CHLSN: variants seen among roughly 807,000 people sequenced by gnomAD.
The protein encoded by CHLSN is protein cholesin.
At chr7:1,125,712 G>A in the CHLSN span, among the ~76,000 whole-genome samples, 2 of 152,244 alleles carry the variant, frequency 1.3e-5, no homozygotes, top group African/African-American at 2.4e-5. Flanking sequence ...GTGGAAACCC[G>A]CTTTCTCTCG....
chr7:1,138,070 C>T, the CHLSN span: 6 of 150,252 alleles, frequency 4.0e-5, no homozygotes, highest in African/African-American at 1.5e-4. Flanking sequence ...GGTCGCGCCG[C>T]GCCGGGCCTC....
At chr7:1,093,361 G>A in the CHLSN span, 2 of 429,520 alleles carry the variant, frequency 4.7e-6, no homozygotes, top group Non-Finnish European at 9.8e-6. Flanking sequence ...CCCACGGTCT[G>A]AGCTAGCTAG....
chr7:1,048,242 CG>C, the CHLSN span, among the ~76,000 whole-genome samples: 3 of 152,184 alleles, frequency 2.0e-5, no homozygotes, highest in Admixed American at 2.0e-4. Flanking sequence ...GATCACCGGG[CG>C]TGGGACTTGC....
At chr7:984,465 G>C in the CHLSN span, 62 of 1,551,060 alleles carry the variant, frequency 4.0e-5, no homozygotes, top group Non-Finnish European at 5.1e-5. Flanking sequence ...GCCAGAAGAC[G>C]GTGGTGCTGA....
chr7:1,084,326 C>A, the CHLSN span, among the ~76,000 whole-genome samples: 1 of 152,376 alleles, frequency 6.6e-6, no homozygotes, highest in Admixed American at 6.5e-5. Context: ...GGGCTCTCGG[C>A]CTCCCTTGAC....
chr7:1,063,968 G>A, the CHLSN span, among the ~76,000 whole-genome samples: 1 of 152,182 alleles, frequency 6.6e-6, no homozygotes, highest in Admixed American at 6.5e-5. Context: ...GAAACAGCCT[G>A]TTCTTCCCTC....
At chr7:987,361 G>A in the CHLSN span, 4 of 1,589,346 alleles carry the variant, frequency 2.5e-6, no homozygotes, top group Admixed American at 5.1e-5. Context: ...GGTGCAGGAG[G>A]AGCTAGACCG....
chr7:1,053,083 C>T, the CHLSN span, among the ~76,000 whole-genome samples: 2 of 152,220 alleles, frequency 1.3e-5, no homozygotes, highest in Non-Finnish European at 2.9e-5. Flanking sequence ...GGGGGAGAAG[C>T]CAGGCCATTG....
At chr7:1,135,225 C>A in the CHLSN span, among the ~76,000 whole-genome samples, 1 of 152,110 alleles carries the variant, frequency 6.6e-6, no homozygotes, top group Non-Finnish European at 1.5e-5. Flanking sequence ...AGTCATGTGG[C>A]TTCAAATACC....
the CHLSN span, among the ~76,000 whole-genome samples, chr7:1,124,393 G>A: frequency 3.9e-4 from 59 of 151,662 alleles, no homozygotes; most frequent in African/African-American, 1.3e-3. Flanking sequence ...GGGTGACGCC[G>A]CGCCCACCAA....
At chr7:1,100,256 C>G in the CHLSN span, among the ~76,000 whole-genome samples, 34,525 of 152,240 alleles carry the variant, frequency 0.23, 4,105 homozygotes, top group African/African-American at 0.25. Flanking sequence ...CACTAGGCCT[C>G]TTCTCAGGCC....
chr7:1,036,257 G>A, the CHLSN span, among the ~76,000 whole-genome samples: 4 of 152,214 alleles, frequency 2.6e-5, no homozygotes, highest in African/African-American at 4.8e-5. Flanking sequence ...ATAAGCTGCG[G>A]ACTTCGGGCG....
the CHLSN span, among the ~76,000 whole-genome samples, chr7:1,103,306 C>T: frequency 5.9e-5 from 9 of 152,156 alleles, no homozygotes; most frequent in African/African-American, 1.7e-4. Flanking sequence ...CGGGTGAAAG[C>T]GTCAAAGTGG....
the CHLSN span, among the ~76,000 whole-genome samples, chr7:1,097,062 T>C: frequency 6.6e-6 from 1 of 152,076 alleles, no homozygotes; most frequent in Non-Finnish European, 1.5e-5. The surrounding 1 kb of genome is among the most constrained non-coding windows in gnomAD (Gnocchi z 4.3). Flanking sequence ...GGGGAGCCCA[T>C]GGGAACGGGT....
the CHLSN span, chr7:1,058,578 G>GGGCCCTCACACGC: frequency 1.4e-6 from 1 of 695,286 alleles, no homozygotes; most frequent in East Asian, 2.5e-5. Context: ...AGTTACCCTG[G>GGGCCCTCACACGC]ACGCTCCCCA....
the CHLSN span, among the ~76,000 whole-genome samples, chr7:1,002,761 G>A: frequency 3.8e-5 from 4 of 104,526 alleles, no homozygotes; most frequent in Admixed American, 8.7e-5. Flanking sequence ...TCCTGTGGGT[G>A]GGGAGTCCTT....
the CHLSN span, among the ~76,000 whole-genome samples, chr7:989,874 T>G: frequency 9.7e-4 from 138 of 142,392 alleles, no homozygotes; most frequent in African/African-American, 3.4e-3. Flanking sequence ...CTGGGGGCGG[T>G]GTGGTCGGCA....
chr7:1,091,596 G>C, the CHLSN span: 1 of 746,024 alleles, frequency 1.3e-6, no homozygotes, highest in Non-Finnish European at 2.3e-6. Context: ...GCTCCTCCTG[G>C]GGAGTTTCCT....
the CHLSN span, chr7:1,127,498 ATT>A: frequency 9.5e-7 from 1 of 1,054,020 alleles, no homozygotes; most frequent in Non-Finnish European, 1.3e-6. Flanking sequence ...AAAAAAGAGT[ATT>A]ATGGAAAACA....
Sources: gnomAD v4.1 joint callset for allele counts (sites outside exome capture counted in the v4.1 genomes callset) on GRCh38, gnomAD v4.1.1 for gene constraint, Gnocchi (gnomAD v3.1) non-coding constraint, MANE v1.5 for transcripts, NCBI Gene and HGNC (gene_info 2026-07-23, HGNC 2026-07-21) for gene names.